ANO3: variants seen among roughly 807,000 people sequenced by gnomAD.
ANO3 encodes anoctamin 3.
Under a neutral mutation model 144.8 loss-of-function variants are expected in ANO3, and 99 were observed. The ratio of observed to expected loss-of-function variants is 0.68; its 90% CI spans 0.58 to 0.81. The LOEUF (loss-of-function observed/expected upper bound fraction) is 0.81, where lower values mean the gene tolerates loss of function less well. ANO3 is among the 30% of genes least tolerant of loss of function. ANO3 has a pLI of 0.00. For synonymous variants in ANO3, 414 were observed against 392.6 expected (o/e 1.05, Z -0.64); for missense variants, 905 against 1,202.2 (o/e 0.75, Z 3.66).
chr11:26,492,108 G>A (rs892045689), intron 4 of ANO3, among the ~76,000 whole-genome samples: 2 of 152,168 alleles, frequency 1.3e-5, no homozygotes, highest in Non-Finnish European at 2.9e-5. Flanking sequence ...CATTGGCCAT[G>A]GAATGGGAAT....
At chr11:26,479,213 AT>A (rs1195492068) in intron 4 of ANO3, among the ~76,000 whole-genome samples, 1 of 152,112 alleles carries the variant, frequency 6.6e-6, no homozygotes, top group South Asian at 2.1e-4. Context: ...TGGACTTAAA[AT>A]TTTTTTGTTA....
exon 1 of ANO3, chr11:26,189,212 T>C (rs1318164295): frequency 1.0e-6 from 1 of 985,238 alleles, no homozygotes; most frequent in Non-Finnish European, 1.2e-6. Flanking sequence ...ATAATTTTTC[T>C]CCTGAAGGCT....
intron 4 of ANO3, among the ~76,000 whole-genome samples, chr11:26,464,750 A>T (rs1019757326): frequency 2.0e-5 from 3 of 151,840 alleles, no homozygotes; most frequent in Non-Finnish European, 4.4e-5. Context: ...TGCCCTACTA[A>T]ATCTACCTGA....
At chr11:26,650,151 C>CAA (rs919230361) in intron 24 of ANO3, among the ~76,000 whole-genome samples, 2 of 152,172 alleles carry the variant, frequency 1.3e-5, no homozygotes, top group Admixed American at 1.3e-4. Context: ...TTCAGAGGAG[C>CAA]ACCCTGTTTA....
chr11:26,612,389 T>C (rs375211489), intron 17 of ANO3, among the ~76,000 whole-genome samples: 88 of 151,962 alleles, frequency 5.8e-4, no homozygotes, highest in African/African-American at 2.0e-3. Flanking sequence ...CCATAGGCTC[T>C]TTCCCTCCCC....
At chr11:26,197,014 A>G (rs1851601882) in intron 1 of ANO3, among the ~76,000 whole-genome samples, 1 of 152,218 alleles carries the variant, frequency 6.6e-6, no homozygotes, top group African/African-American at 2.4e-5. Flanking sequence ...TATATATGCT[A>G]TGTGCTTTGA....
intron 1 of ANO3, among the ~76,000 whole-genome samples, chr11:26,421,124 T>C (rs1176683869): frequency 2.6e-5 from 4 of 151,940 alleles, no homozygotes; most frequent in African/African-American, 9.7e-5. Context: ...AAGATAATAA[T>C]TTTTTTCCCT....
intron 18 of ANO3, among the ~76,000 whole-genome samples, chr11:26,626,859 A>G (rs1422284748): frequency 1.3e-5 from 2 of 151,992 alleles, no homozygotes; most frequent in East Asian, 3.9e-4. Flanking sequence ...TCTTCCAAGT[A>G]TTCTCCTGAA....
rs149405213 is a variant in ANO3, at chr11:26,404,105, A to G, written c.47-37813A>G. Among the ~76,000 whole-genome samples the G allele has an allele frequency of 2.2e-3, 339 of 151,952 alleles. 2 individuals carry two copies. The highest frequency in any genetic ancestry group is 6.8e-3 in the East Asian group (35 of 5,124). On this transcript the variant is annotated intron_variant, in intron 1 of 26. Coordinates refer to ENST00000256737, the MANE Select transcript of ANO3 (RefSeq NM_031418.4). ...TTTTTTCCATTTGTATGTGAACTAC[A>G]TGAAGGAGGGATTGTGACTGTATTG...
At position 26,595,477 on chromosome 11, in the gene ANO3, T is replaced by TTTG. The variant is rs1851593768; in HGVS notation, c.1448-2886_1448-2885insGTT. Among the ~76,000 whole-genome samples the TTTG allele has an allele frequency of 4.1e-5, 6 of 147,504 alleles. No individual in the cohort carries two copies. In the South Asian group the frequency reaches 1.3e-3, roughly 32 times the overall value. The stretch of plus-strand genomic sequence containing the variant: ...ATAGAGTTGTTTTTTTTTTTTTTTT[T>TTTG]TTTTTTTTTTATTCTGTAAGTACTT... On this transcript the variant is annotated intron_variant, in intron 14 of 26. Transcript: ENST00000256737.
chr11:26,317,797 A>G (rs1435323766), intron 1 of ANO3, among the ~76,000 whole-genome samples: 2 of 152,176 alleles, frequency 1.3e-5, no homozygotes, highest in Non-Finnish European at 2.9e-5. Context: ...GACTATAAAG[A>G]CACATGCATA....
chr11:26,191,325 T>TATACACAC (rs1289155475), intron 1 of ANO3, among the ~76,000 whole-genome samples: 93 of 149,012 alleles, frequency 6.2e-4, no homozygotes, highest in African/African-American at 2.2e-3. Flanking sequence ...CACATATATA[T>TATACACAC]ATACACACAT....
chr11:26,387,754 C>T (rs1348277788), intron 1 of ANO3, among the ~76,000 whole-genome samples: 1 of 151,996 alleles, frequency 6.6e-6, no homozygotes, highest in Non-Finnish European at 1.5e-5. Context: ...TGTGGGAATG[C>T]CATGTGCTTA....
intron 1 of ANO3, among the ~76,000 whole-genome samples, chr11:26,362,274 T>G (rs1381181): frequency 6.6e-6 from 1 of 151,936 alleles, no homozygotes; most frequent in East Asian, 1.9e-4. Context: ...CTACTCAATG[T>G]TATTTTGCTT....
chr11:26,370,820 C>G (rs1347262781), intron 1 of ANO3, among the ~76,000 whole-genome samples: 2 of 152,106 alleles, frequency 1.3e-5, no homozygotes, highest in South Asian at 2.1e-4. Flanking sequence ...ATCTGTGAAA[C>G]TTTTAACTTG....
At chr11:26,476,930 TGTGA>T (rs758903407) in intron 4 of ANO3, among the ~76,000 whole-genome samples, 1,531 of 144,802 alleles carry the variant, frequency 0.011, 23 homozygotes, top group African/African-American at 0.034. Flanking sequence ...TGTGTGTGTG[TGTGA>T]GAGAGAGAGA....
chr11:26,481,513 G>A (rs982130131), intron 4 of ANO3, among the ~76,000 whole-genome samples: 1 of 152,166 alleles, frequency 6.6e-6, no homozygotes, highest in African/African-American at 2.4e-5. Context: ...TATGCTATAT[G>A]TTTATAACCT....
chr11:26,342,942 ACAAT>A (rs765153767), intron 1 of ANO3, among the ~76,000 whole-genome samples: 4 of 152,212 alleles, frequency 2.6e-5, no homozygotes, highest in Admixed American at 6.5e-5. Flanking sequence ...AATTATTACC[ACAAT>A]CAAGCAATTA....
chr11:26,318,573 C>A (rs552859965), intron 1 of ANO3, among the ~76,000 whole-genome samples: 2 of 152,100 alleles, frequency 1.3e-5, no homozygotes, highest in African/African-American at 4.8e-5. Flanking sequence ...GAGAACAATT[C>A]GTGGTTCTAT....
Sources: gnomAD v4.1 joint callset for allele counts (sites outside exome capture counted in the v4.1 genomes callset) on GRCh38, gnomAD v4.1.1 for gene constraint, MANE v1.5 for transcripts, NCBI Gene and HGNC (gene_info 2026-07-23, HGNC 2026-07-21) for gene names.